Variants in WDR19 observed in about 807,000 individuals in gnomAD.
WDR19 encodes the protein WD repeat-containing protein 19.
Under a neutral mutation model 180.0 loss-of-function variants are expected in WDR19, and 121 were observed. The observed-to-expected ratio is 0.67, with a 90% CI of 0.58 to 0.78. The LOEUF (loss-of-function observed/expected upper bound fraction) is 0.78, where lower values mean the gene tolerates loss of function less well. Ranked by LOEUF, WDR19 falls within the 30% of genes least tolerant of loss-of-function variation. WDR19 has a pLI of 0.00. For missense variants in WDR19, 1,450 were observed against 1,640.7 expected (o/e 0.88, Z 2.01); for synonymous variants, 497 against 540.7 (o/e 0.92, Z 1.12).
intron 14 of WDR19, among the ~76,000 whole-genome samples, chr4:39,224,054 A>G (rs1729980198): frequency 2.6e-5 from 4 of 152,156 alleles, no homozygotes; most frequent in African/African-American, 9.6e-5. Context: ...AGTCCTGGGC[A>G]TGTTATGTTT....
intron 29 of WDR19, among the ~76,000 whole-genome samples, chr4:39,267,674 G>A (rs1362253709): frequency 6.6e-6 from 1 of 152,210 alleles, no homozygotes; most frequent in Non-Finnish European, 1.5e-5. Flanking sequence ...CTCAGATCCT[G>A]TGGTTCAAAT....
At chr4:39,229,441 G>C (rs1296177236) in intron 17 of WDR19, among the ~76,000 whole-genome samples, 1 of 152,136 alleles carries the variant, frequency 6.6e-6, no homozygotes, top group Non-Finnish European at 1.5e-5. Flanking sequence ...CGGTTTCTAA[G>C]CTTCCAGAGA....
In WDR19 at chr4:39,257,424, C is replaced by G. The variant is rs956652214; in HGVS notation, c.3115-62C>G. 4 of 1,456,172 alleles carry G rather than the reference C, an allele frequency of 2.7e-6. No individual in the cohort carries two copies. The African/African-American group carries it at 5.6e-5, about 21-fold the overall frequency. 90.2% of individuals were successfully genotyped at this position (1,456,172 alleles called of 1,614,324 possible). A position where few individuals can be genotyped will look rare whatever the true frequency, so the allele number is the denominator to read the frequency against. On this transcript the variant is annotated intron_variant, in intron 27 of 36. Coordinates refer to ENST00000399820, the MANE Select transcript of WDR19 (RefSeq NM_025132.4). ...ACTTTGTGTTAAAGCTGTGTGAAAG[C>G]TTTGTTTTCCCTAATGTGAAAACAT...
chr4:39,264,803 C>G (rs775150247), intron 28 of WDR19, among the ~76,000 whole-genome samples: 2 of 152,232 alleles, frequency 1.3e-5, no homozygotes, highest in South Asian at 2.1e-4. Context: ...AATTCCTGAC[C>G]TCACACATTC....
intron 24 of WDR19, among the ~76,000 whole-genome samples, chr4:39,247,490 A>G (rs1261342074): frequency 6.6e-6 from 1 of 152,234 alleles, no homozygotes; most frequent in Non-Finnish European, 1.5e-5. Context: ...CAGCAACTGA[A>G]CAAAGCTGGA....
rs1018756404 is a variant in WDR19, at chr4:39,221,568, T to C, written c.1480-3316T>C. 4.6e-5 allele frequency among the ~76,000 whole-genome samples: 7 copies of C among 152,220 alleles called. No homozygotes were observed. The South Asian group carries it at 1.4e-3, about 31-fold the overall frequency. On this transcript the variant is annotated intron_variant, in intron 14 of 36. Coordinates refer to ENST00000399820, the MANE Select transcript of WDR19 (RefSeq NM_025132.4). ...GCACATGCCTGTAATCCCAGCACTT[T>C]GGGAGGCCAAGGCAGGCTGATTGCC...
chr4:39,209,889 C>A (rs989587761), intron 9 of WDR19, among the ~76,000 whole-genome samples: 9 of 152,054 alleles, frequency 5.9e-5, no homozygotes, highest in African/African-American at 2.2e-4. Flanking sequence ...AGGAATACTA[C>A]AAACAATTTT....
At chr4:39,250,932 C>A (rs1292818369) in intron 24 of WDR19, among the ~76,000 whole-genome samples, 1 of 152,142 alleles carries the variant, frequency 6.6e-6, no homozygotes, top group Admixed American at 6.5e-5. Flanking sequence ...GGCCATACTG[C>A]CGAAGGTAAT....
intron 15 of WDR19, among the ~76,000 whole-genome samples, chr4:39,225,717 C>T (rs1346298855): frequency 6.6e-6 from 1 of 152,012 alleles, no homozygotes; most frequent in Non-Finnish European, 1.5e-5. Context: ...GTGTTGTCTC[C>T]CCAATGTAAA....
chr4:39,239,139 G>A (rs777151601), intron 20 of WDR19, among the ~76,000 whole-genome samples: 8 of 151,856 alleles, frequency 5.3e-5, no homozygotes, highest in East Asian at 1.9e-4. Context: ...CACCACACCC[G>A]GCTAATTTTT....
chr4:39,217,843 T>C (rs779004797), intron 13 of WDR19, 140 bp from the exon 14 acceptor site: 12 of 1,064,368 alleles, frequency 1.1e-5, no homozygotes, highest in South Asian at 3.3e-5. Context: ...TCCTGTGTGA[T>C]AGCTTTCCAA....
In WDR19 at chr4:39,230,721, G is replaced by A. The variant is rs145826923; in HGVS notation, c.1983-1076G>A. Among the ~76,000 whole-genome samples, 6 of 152,204 alleles carry A rather than the reference G, an allele frequency of 3.9e-5. No individual in the cohort carries two copies. In the East Asian group the frequency reaches 1.2e-3, roughly 29 times the overall value. ...AGGACAGCAACTGTGGTTGATTTTT[G>A]TATCATGTTTCCAAGCATGTAACGA... On this transcript the variant is annotated intron_variant, in intron 17 of 36. Transcript: ENST00000399820.
intron 3 of WDR19, among the ~76,000 whole-genome samples, chr4:39,188,798 T>A (rs2198213): frequency 0.1 from 15,214 of 152,116 alleles, 900 homozygotes; most frequent in East Asian, 0.21. Flanking sequence ...TTTCCCAAGC[T>A]GGAGTACAGT....
At chr4:39,210,716 A>G (rs1728407315) in intron 9 of WDR19, among the ~76,000 whole-genome samples, 1 of 152,204 alleles carries the variant, frequency 6.6e-6, no homozygotes, top group Non-Finnish European at 1.5e-5. Context: ...TCAGAAGCTA[A>G]AAAAGACAAA....
Position 39,186,478 on chromosome 4 carries a change from CAAAAAAAA to C in WDR19, c.99-42_99-35del, listed in dbSNP as rs71192831. Reference sequence around the variant, plus strand: ...TGGGCAACAGAGGGAGACTCTGTCTCAAAAAAAAAAAAAAAAAAAAAAAAAAGTAAATC... The same window carrying C: ...TGGGCAACAGAGGGAGACTCTGTCTCAAAAAAAAAAAAAAAAAAGTAAATC... On this transcript the variant is annotated intron_variant, in intron 2 of 36. Transcript: ENST00000399820. 273 of 363,402 alleles carry C rather than the reference CAAAAAAAA, an allele frequency of 7.5e-4. 1 individual carries two copies. The highest frequency in any genetic ancestry group is 4.2e-3 in the African/African-American group (93 of 22,026). 22.5% of individuals were successfully genotyped at this position (363,402 alleles called of 1,614,324 possible). A position where few individuals can be genotyped will look rare whatever the true frequency, so the allele number is the denominator to read the frequency against.
rs1385948371 is a variant in WDR19 at position 39,186,575 on chromosome 4, T to C, written c.135T>C (p.Gly45=). Reference sequence around the variant, plus strand: ...TTGTGAAAATCTTTGATCGCCATGGTCAAAAAAGAAGTGAAATTAACTTAC... The same window carrying C: ...TTGTGAAAATCTTTGATCGCCATGGCCAAAAAAGAAGTGAAATTAACTTAC... ...DYIVKIFDRH[G]QKRSEINLPG... The change falls in exon 3 of 37, where the codon GGT becomes GGC. Residue 45 remains glycine, a synonymous_variant. Transcript: ENST00000399820. 1 of 1,583,662 alleles carries C rather than the reference T, an allele frequency of 6.3e-7. No homozygotes were observed. Among genetic ancestry groups the C allele is most frequent in the Non-Finnish European group, 8.6e-7 (1 of 1,167,642 alleles).
chr4:39,276,689 A>G (rs1464707584), intron 33 of WDR19, among the ~76,000 whole-genome samples: 1 of 152,178 alleles, frequency 6.6e-6, no homozygotes, highest in African/African-American at 2.4e-5. Context: ...GGAGAGACAG[A>G]GGGAAAATAC....
chr4:39,227,433 C>A (rs1730392826), intron 15 of WDR19, among the ~76,000 whole-genome samples: 1 of 152,076 alleles, frequency 6.6e-6, no homozygotes, highest in Non-Finnish European at 1.5e-5. Flanking sequence ...ATGGATTCAG[C>A]CAACTGTAGA....
chr4:39,212,530 A>G (rs937217438), intron 9 of WDR19, among the ~76,000 whole-genome samples: 7 of 152,222 alleles, frequency 4.6e-5, no homozygotes, highest in African/African-American at 1.7e-4. Context: ...GGTGCCTCAC[A>G]TCTGTAATTC....
Sources: gnomAD v4.1 joint callset for allele counts (sites outside exome capture counted in the v4.1 genomes callset) on GRCh38, gnomAD v4.1.1 for gene constraint, MANE v1.5 for transcripts, NCBI Gene and HGNC (gene_info 2026-07-23, HGNC 2026-07-21) for gene names.